The following GLI3 variants were observed in gnomAD, a reference collection of about 807,000 sequenced individuals.
GLI3 encodes transcription activator GLI3.
A neutral mutation model predicts 100.8 loss-of-function variants in GLI3; 20 were observed. The ratio of observed to expected loss-of-function variants is 0.20; its 90% CI spans 0.14 to 0.29. The LOEUF is 0.29. Ranked by LOEUF, GLI3 falls within the 10% of genes least tolerant of loss-of-function variation. The pLI is 1.00. For missense variants in GLI3, 2,040 were observed against 2,128.5 expected (o/e 0.96, Z 0.82); for synonymous variants, 938 against 860.5 (o/e 1.09, Z -1.58).
At chr7:42,111,336 T>A (rs1488532420) in intron 3 of GLI3, among the ~76,000 whole-genome samples, 2 of 152,154 alleles carry the variant, frequency 1.3e-5, no homozygotes, top group Admixed American at 1.3e-4. Flanking sequence ...GAGAGTGTTC[T>A]CATAGGTGCC....
chr7:42,226,792 A>G (rs931197112), intron 1 of GLI3, among the ~76,000 whole-genome samples: 17 of 152,230 alleles, frequency 1.1e-4, no homozygotes, highest in Middle Eastern at 3.2e-3. Context: ...AAGAAAGTTT[A>G]ACATTCTAGA....
chr7:41,974,543 A>G (rs924426494), intron 12 of GLI3, among the ~76,000 whole-genome samples: 3 of 152,246 alleles, frequency 2.0e-5, no homozygotes, highest in Admixed American at 2.0e-4. Flanking sequence ...TTTAATCATA[A>G]GGAATACAAA....
chr7:42,170,537 G>GGACT (rs1347037588), intron 2 of GLI3, among the ~76,000 whole-genome samples: 2 of 150,968 alleles, frequency 1.3e-5, no homozygotes, highest in Admixed American at 1.3e-4. Context: ...CGAGTAGCTG[G>GGACT]GACTACAGGT....
intron 2 of GLI3, among the ~76,000 whole-genome samples, chr7:42,164,738 G>A (rs1012137222): frequency 1.2e-4 from 18 of 151,826 alleles, no homozygotes; most frequent in African/African-American, 4.1e-4. Flanking sequence ...GCTGAGGCAG[G>A]AGAATGGCAT....
rs1412576466 is a variant in GLI3, at chr7:42,195,814, T to G, written c.124+27316A>C. ...CTGAATGCATGAATTAATGGGTGGATGGACAGATGAGTAAGTATTCAATAA... is the reference window on the plus strand; with the variant it reads ...CTGAATGCATGAATTAATGGGTGGAGGGACAGATGAGTAAGTATTCAATAA... On this transcript the variant is annotated intron_variant, in intron 2 of 14. Coordinates refer to ENST00000395925, the MANE Select transcript of GLI3 (RefSeq NM_000168.6). 2.6e-5 allele frequency among the ~76,000 whole-genome samples: 4 copies of G among 152,344 alleles called. No homozygotes were observed. In the East Asian group the frequency reaches 7.7e-4, roughly 29 times the overall value.
intron 2 of GLI3, among the ~76,000 whole-genome samples, chr7:42,156,573 T>C (rs1787009166): frequency 6.6e-6 from 1 of 152,194 alleles, no homozygotes; most frequent in Non-Finnish European, 1.5e-5. Context: ...CATAACGAGA[T>C]CCACGGCCAA....
chr7:42,034,212 C>T (rs1013090106), intron 7 of GLI3, among the ~76,000 whole-genome samples: 3 of 152,142 alleles, frequency 2.0e-5, no homozygotes, highest in Middle Eastern at 3.2e-3. Flanking sequence ...TAGCATTTCC[C>T]GCCAATGCTT....
chr7:42,162,064 T>C (rs897283685), intron 2 of GLI3, among the ~76,000 whole-genome samples: 11 of 152,132 alleles, frequency 7.2e-5, no homozygotes, highest in Non-Finnish European at 5.9e-5. Context: ...AAGGCCCACA[T>C]TACTGATTTT....
rs368764272 is a variant in GLI3 at position 42,027,872 on chromosome 7, C to T, written c.1029-1460G>A. Among the ~76,000 whole-genome samples the T allele has an allele frequency of 2.0e-5, 3 of 152,102 alleles. No homozygotes were observed. The East Asian group carries it at 5.8e-4, about 29-fold the overall frequency. ...TAGGGAGAAATCAGTAATAATATTC[C>T]GTTTCTGCAGCGTTATAGTTACTGC... On this transcript the variant is annotated intron_variant, in intron 7 of 14. Coordinates refer to ENST00000395925, the MANE Select transcript of GLI3 (RefSeq NM_000168.6).
At chr7:42,127,214 C>T (rs929901816) in intron 3 of GLI3, among the ~76,000 whole-genome samples, 1 of 152,194 alleles carries the variant, frequency 6.6e-6, no homozygotes, top group African/African-American at 2.4e-5. Context: ...CAGCAGTAAG[C>T]GGACCTCAGA....
At chr7:42,170,123 G>A (rs916194262) in intron 2 of GLI3, among the ~76,000 whole-genome samples, 9 of 151,024 alleles carry the variant, frequency 6.0e-5, no homozygotes, top group South Asian at 2.1e-4. Flanking sequence ...GTGCTGGGAC[G>A]TGCCTGTAAT....
intron 3 of GLI3, among the ~76,000 whole-genome samples, chr7:42,125,732 C>T (rs893139743): frequency 6.6e-6 from 1 of 152,178 alleles, no homozygotes; most frequent in African/African-American, 2.4e-5. Context: ...GCCCATAATA[C>T]AGAGCTGTCC....
intron 2 of GLI3, among the ~76,000 whole-genome samples, chr7:42,191,374 T>C (rs1369661886): frequency 6.6e-6 from 1 of 152,148 alleles, no homozygotes; most frequent in Non-Finnish European, 1.5e-5. Flanking sequence ...AAGGATTCAT[T>C]CAATGAATCC....
At chr7:42,056,418 A>T (rs1472854808) in intron 4 of GLI3, among the ~76,000 whole-genome samples, 1 of 152,204 alleles carries the variant, frequency 6.6e-6, no homozygotes, top group African/African-American at 2.4e-5. Flanking sequence ...GGCTCCCAAA[A>T]GCATGTGGGT....
intron 3 of GLI3, among the ~76,000 whole-genome samples, chr7:42,098,230 G>A (rs983455292): frequency 2.0e-5 from 3 of 152,028 alleles, no homozygotes; most frequent in Non-Finnish European, 4.4e-5. Flanking sequence ...ATCACACGCT[G>A]AACAAATTCT....
chr7:42,009,433 A>G (rs1027803303), intron 10 of GLI3, among the ~76,000 whole-genome samples: 8 of 151,548 alleles, frequency 5.3e-5, no homozygotes, highest in African/African-American at 1.5e-4. Context: ...CCCCTTTGAA[A>G]GTACAGAACG....
At chr7:42,033,151 G>A (rs1789343705) in intron 7 of GLI3, among the ~76,000 whole-genome samples, 2 of 152,202 alleles carry the variant, frequency 1.3e-5, no homozygotes, top group South Asian at 4.1e-4. Flanking sequence ...GCAAGCCCTG[G>A]CGTGAGTGGT....
chr7:42,099,666 G>T (rs960488445), intron 3 of GLI3, among the ~76,000 whole-genome samples: 2 of 152,174 alleles, frequency 1.3e-5, no homozygotes, highest in African/African-American at 2.4e-5. Flanking sequence ...GAGTAGCTGG[G>T]ATGACAGGCA....
In GLI3 at chr7:41,972,076, C is replaced by T. The variant is rs1052819501; in HGVS notation, c.2103+261G>A. 1.3e-5 allele frequency among the ~76,000 whole-genome samples: 2 copies of T among 152,228 alleles called. No homozygotes were observed. The highest frequency in any genetic ancestry group is 4.8e-5 in the African/African-American group (2 of 41,450). On this transcript the variant is annotated intron_variant, in intron 13 of 14. Coordinates refer to ENST00000395925, the MANE Select transcript of GLI3 (RefSeq NM_000168.6). This position sits in a 1 kb window ranked among gnomAD's most constrained non-coding sequence, Gnocchi z 4.4. ...CGACATTACAGACACGCTGGAGAGA[C>T]AGACAGTCGTGTCTTTCTTCCTTCC...
Sources: allele counts gnomAD v4.1 joint callset (sites outside exome capture counted in the v4.1 genomes callset), GRCh38; gene constraint gnomAD v4.1.1; non-coding constraint Gnocchi (gnomAD v3.1); transcripts MANE v1.5; gene names NCBI Gene and HGNC (gene_info 2026-07-23, HGNC 2026-07-21).